SV2C: variants seen among roughly 807,000 people sequenced by gnomAD.
SV2C encodes the protein synaptic vesicle glycoprotein 2C, also known as solute carrier family 22 member B3.
Under a neutral mutation model 79.7 loss-of-function variants are expected in SV2C, and 49 were observed. The ratio of observed to expected loss-of-function variants is 0.61; its 90% confidence interval spans 0.49 to 0.78. The LOEUF (loss-of-function observed/expected upper bound fraction) is 0.78, where lower values mean the gene tolerates loss of function less well. SV2C is among the 30% of genes least tolerant of loss of function. The pLI, the probability that SV2C is intolerant of heterozygous loss-of-function variation, is 0.00. For missense variants in SV2C, 833 were observed against 912.9 expected (o/e 0.91, Z 1.13); for synonymous variants, 334 against 333.2 (o/e 1.00, Z -0.03).
At chr5:75,935,361 T>A in the SV2C span, among the ~76,000 whole-genome samples, 86,097 of 151,856 alleles carry the variant, frequency 0.57, 25,287 homozygotes, top group African/African-American at 0.73. Context: ...GTAGGAGGGT[T>A]AATAAGTACC....
At chr5:76,103,367 A>G (rs149278784) in intron 1 of SV2C, among the ~76,000 whole-genome samples, 2 of 152,350 alleles carry the variant, frequency 1.3e-5, no homozygotes, top group Admixed American at 1.3e-4. Context: ...AATAATTTAT[A>G]AAACAAAATA....
At chr5:75,910,761 C>T in the SV2C span, 1 of 1,363,888 alleles carries the variant, frequency 7.3e-7, no homozygotes, top group Admixed American at 1.7e-5. Flanking sequence ...GAGGAGCTGC[C>T]TATTCTTTAT....
chr5:75,977,227 T>C, the SV2C span, among the ~76,000 whole-genome samples: 1 of 152,130 alleles, frequency 6.6e-6, no homozygotes, highest in African/African-American at 2.4e-5. Flanking sequence ...TAGATACCTG[T>C]AGTCAGGCTG....
chr5:75,964,964 C>T, the SV2C span, among the ~76,000 whole-genome samples: 2 of 152,154 alleles, frequency 1.3e-5, no homozygotes, highest in South Asian at 2.1e-4. Flanking sequence ...CATCCCAATA[C>T]AAACCGCAAC....
chr5:76,262,774 G>C (rs1378655838), intron 4 of SV2C, among the ~76,000 whole-genome samples: 1 of 152,204 alleles, frequency 6.6e-6, no homozygotes, highest in African/African-American at 2.4e-5. Context: ...GTTCTAATTT[G>C]ATTGCACTGT....
the SV2C span, among the ~76,000 whole-genome samples, chr5:75,924,528 T>C: frequency 6.6e-5 from 10 of 152,336 alleles, no homozygotes; most frequent in South Asian, 2.1e-3. Context: ...AGCTAATAAA[T>C]GTCAAGCCCA....
intron 1 of SV2C, among the ~76,000 whole-genome samples, chr5:76,116,743 G>A (rs987924819): frequency 4.6e-5 from 7 of 152,192 alleles, no homozygotes; most frequent in Admixed American, 3.3e-4. Flanking sequence ...TTAAGAGCAG[G>A]AATTGCATAC....
intron 4 of SV2C, among the ~76,000 whole-genome samples, chr5:76,245,595 T>C (rs1745920528): frequency 6.6e-6 from 1 of 152,178 alleles, no homozygotes; most frequent in Admixed American, 6.5e-5. Context: ...ATTTTAAATA[T>C]TGTGAGTAGA....
At chr5:75,881,335 AATAC>A in the SV2C span, among the ~76,000 whole-genome samples, 1 of 152,214 alleles carries the variant, frequency 6.6e-6, no homozygotes, top group Admixed American at 6.6e-5. Context: ...GTGAAGTTTA[AATAC>A]GTTAACATAT....
At chr5:75,988,279 T>C in the SV2C span, among the ~76,000 whole-genome samples, 4 of 152,172 alleles carry the variant, frequency 2.6e-5, no homozygotes, top group East Asian at 7.8e-4. Flanking sequence ...AGTATGTAAA[T>C]GCACATTGCT....
At chr5:76,031,393 C>T in the SV2C span, among the ~76,000 whole-genome samples, 1 of 152,230 alleles carries the variant, frequency 6.6e-6, no homozygotes, top group African/African-American at 2.4e-5. Flanking sequence ...TGTCACACGG[C>T]AATGCTGGCT....
the SV2C span, among the ~76,000 whole-genome samples, chr5:75,959,638 A>G: frequency 5.3e-5 from 8 of 152,020 alleles, no homozygotes; most frequent in East Asian, 1.9e-4. Context: ...TCTAGCTTCT[A>G]TGATAATTGG....
At chr5:76,037,966 C>T in the SV2C span, among the ~76,000 whole-genome samples, 5 of 152,300 alleles carry the variant, frequency 3.3e-5, no homozygotes, top group South Asian at 8.3e-4. Flanking sequence ...TTAAGCCCGT[C>T]GGAAAAGCGC....
chr5:76,308,408 C>T (rs971817547), intron 12 of SV2C, among the ~76,000 whole-genome samples: 1 of 152,176 alleles, frequency 6.6e-6, no homozygotes, highest in African/African-American at 2.4e-5. Context: ...CTGATGGCAT[C>T]CCAATGGTAG....
chr5:76,013,166 GATAGC>G, the SV2C span, among the ~76,000 whole-genome samples: 1 of 152,084 alleles, frequency 6.6e-6, no homozygotes, highest in Non-Finnish European at 1.5e-5. Flanking sequence ...GCTTGATGGG[GATAGC>G]ATTGAATCTA....
chr5:76,256,854 A>G (rs1396245846), intron 4 of SV2C, among the ~76,000 whole-genome samples: 6 of 152,242 alleles, frequency 3.9e-5, no homozygotes, highest in Non-Finnish European at 7.3e-5. Flanking sequence ...TCACAAGGCC[A>G]AAAAACTTGT....
At position 76,319,706 on chromosome 5, in the gene SV2C, T is replaced by A. The variant is rs187476026; in HGVS notation, c.2001-5658T>A. Among the ~76,000 whole-genome samples, 13 of 152,246 alleles carry A rather than the reference T, an allele frequency of 8.5e-5. No individual in the cohort carries two copies. In the East Asian group the frequency reaches 2.5e-3, roughly 29 times the overall value. The stretch of plus-strand genomic sequence containing the variant: ...TAGTCTGCCCAGGAATCTCAGGAAG[T>A]CATCCATTCCTCGAGTACAGTTTCA... On this transcript the variant is annotated intron_variant, in intron 12 of 12. Coordinates refer to ENST00000502798, the MANE Select transcript of SV2C (RefSeq NM_014979.4).
chr5:76,051,682 C>T, the SV2C span, among the ~76,000 whole-genome samples: 8,697 of 152,180 alleles, frequency 0.057, 814 homozygotes, highest in African/African-American at 0.2. Flanking sequence ...AACTAACTTT[C>T]ATAAATTCAT....
intron 1 of SV2C, among the ~76,000 whole-genome samples, chr5:76,106,825 A>G (rs1166624894): frequency 1.3e-5 from 2 of 151,970 alleles, no homozygotes; most frequent in African/African-American, 4.8e-5. Context: ...TTTTCATAGC[A>G]TATATCATCT....
Sources: allele counts gnomAD v4.1 joint callset (sites outside exome capture counted in the v4.1 genomes callset), GRCh38; gene constraint gnomAD v4.1.1; transcripts MANE v1.5; gene names NCBI Gene and HGNC (gene_info 2026-07-23, HGNC 2026-07-21).